SNTG1: variants seen among roughly 807,000 people sequenced by gnomAD.
SNTG1 encodes the protein syntrophin gamma 1.
SNTG1 carries 39 observed loss-of-function variants against 74.7 expected under a neutral mutation model. That is an observed-to-expected ratio of 0.52 (90% CI 0.40 to 0.68). The LOEUF (loss-of-function observed/expected upper bound fraction) is 0.68. Ranked by LOEUF, SNTG1 falls within the 30% of genes least tolerant of loss-of-function variation. The pLI, the probability that SNTG1 is intolerant of heterozygous loss-of-function variation, is 0.00. For missense variants in SNTG1, 685 were observed against 609.5 expected, an observed-to-expected ratio of 1.12 and a Z score of -1.30; for synonymous variants, 254 against 217.1, an observed-to-expected ratio of 1.17 and a Z score of -1.49.
intron 2 of SNTG1, among the ~76,000 whole-genome samples, chr8:50,291,835 T>C (rs1438492313): frequency 2.0e-5 from 3 of 152,132 alleles, no homozygotes; most frequent in Admixed American, 6.6e-5. Context: ...TAGGATACAA[T>C]TTTAAGACAG....
At chr8:50,079,999 T>C (rs1442818465) in intron 1 of SNTG1, among the ~76,000 whole-genome samples, 1 of 152,232 alleles carries the variant, frequency 6.6e-6, no homozygotes, top group Non-Finnish European at 1.5e-5. Context: ...CCAACTTTGT[T>C]CTTTTTGCTT....
chr8:50,270,136 C>A (rs2087702943), intron 2 of SNTG1, among the ~76,000 whole-genome samples: 1 of 151,984 alleles, frequency 6.6e-6, no homozygotes, highest in Non-Finnish European at 1.5e-5. Context: ...ATACAATCAG[C>A]CTATTTCTTC....
chr8:50,295,868 G>A (rs2089341127), intron 2 of SNTG1, among the ~76,000 whole-genome samples: 1 of 152,098 alleles, frequency 6.6e-6, no homozygotes, highest in Admixed American at 6.6e-5. Flanking sequence ...CCTCATTTGA[G>A]CCTAATTTCA....
In SNTG1 at chr8:50,379,600, A is replaced by C. The variant is rs1249321121; in HGVS notation, c.-27-14612A>C. 2.6e-5 allele frequency among the ~76,000 whole-genome samples: 4 copies of C among 152,150 alleles called. No individual in the cohort carries two copies. The South Asian group carries it at 6.2e-4, about 24-fold the overall frequency. On this transcript the variant is annotated intron_variant, in intron 2 of 18. Transcript: ENST00000642720. Reference sequence around the variant, plus strand: ...CCATGGAGCATGCAGCCATGGCTGCACCTCTCTTCTGCAGCTGACCTGATG... The same window carrying C: ...CCATGGAGCATGCAGCCATGGCTGCCCCTCTCTTCTGCAGCTGACCTGATG...
chr8:50,733,494 G>T (rs1477207891), intron 17 of SNTG1, among the ~76,000 whole-genome samples: 3 of 151,996 alleles, frequency 2.0e-5, no homozygotes, highest in Non-Finnish European at 4.4e-5. Context: ...TAACTTCTTT[G>T]ATTAATCATG....
intron 1 of SNTG1, among the ~76,000 whole-genome samples, chr8:49,979,712 T>C (rs1812507119): frequency 1.3e-5 from 2 of 152,316 alleles, no homozygotes; most frequent in South Asian, 2.1e-4. Flanking sequence ...CCAGGCCAGT[T>C]TGGCTTCTCC....
At chr8:50,427,674 A>G (rs2093180738) in intron 4 of SNTG1, among the ~76,000 whole-genome samples, 1 of 151,852 alleles carries the variant, frequency 6.6e-6, no homozygotes, top group African/African-American at 2.4e-5. Flanking sequence ...CAACCCTCCC[A>G]CTCTGGCCTC....
At chr8:50,565,899 C>T (rs556715830) in intron 12 of SNTG1, among the ~76,000 whole-genome samples, 12 of 151,548 alleles carry the variant, frequency 7.9e-5, no homozygotes, top group South Asian at 2.1e-4. Flanking sequence ...ATATATTTTA[C>T]GCAGAGGTAA....
intron 6 of SNTG1, 89 bp downstream of exon 6, chr8:50,449,814 A>G (rs995890695): frequency 1.2e-5 from 14 of 1,149,484 alleles, no homozygotes; most frequent in Middle Eastern, 2.1e-4. Context: ...CTAAATTACA[A>G]TGTGATTGAC....
intron 4 of SNTG1, among the ~76,000 whole-genome samples, chr8:50,419,425 T>C (rs1310253595): frequency 2.0e-5 from 3 of 152,168 alleles, no homozygotes; most frequent in South Asian, 2.1e-4. Context: ...AGGACTTTCA[T>C]CTTTATGGAG....
intron 13 of SNTG1, among the ~76,000 whole-genome samples, chr8:50,641,191 C>T (rs2095070436): frequency 6.6e-6 from 1 of 152,166 alleles, no homozygotes; most frequent in Non-Finnish European, 1.5e-5. Flanking sequence ...CCTAAAGCAA[C>T]CTGCAATTAT....
intron 1 of SNTG1, among the ~76,000 whole-genome samples, chr8:50,080,700 G>C (rs1049516451): frequency 5.3e-5 from 8 of 152,080 alleles, no homozygotes; most frequent in Non-Finnish European, 1.2e-4. Flanking sequence ...TGGGTTACAT[G>C]ATCTTTGCTG....
intron 2 of SNTG1, among the ~76,000 whole-genome samples, chr8:50,389,949 A>G (rs1364765234): frequency 1.3e-5 from 2 of 152,060 alleles, no homozygotes; most frequent in Non-Finnish European, 2.9e-5. Context: ...TTTCTTGTAA[A>G]TTTGTTTGAG....
intron 2 of SNTG1, among the ~76,000 whole-genome samples, chr8:50,236,271 A>G (rs2085889217): frequency 1.3e-5 from 2 of 152,164 alleles, no homozygotes; most frequent in Non-Finnish European, 2.9e-5. Flanking sequence ...TGAATAGAAA[A>G]TAGACTATAA....
intron 13 of SNTG1, among the ~76,000 whole-genome samples, chr8:50,645,479 CCT>C (rs1280187340): frequency 4.0e-5 from 6 of 151,780 alleles, no homozygotes; most frequent in Admixed American, 1.3e-4. Flanking sequence ...TCCATTTTAT[CCT>C]CTGTTTTTTT....
At chr8:50,663,835 C>T (rs1284070047) in intron 15 of SNTG1, among the ~76,000 whole-genome samples, 7 of 152,146 alleles carry the variant, frequency 4.6e-5, no homozygotes, top group Non-Finnish European at 8.8e-5. Context: ...CATGCAAACT[C>T]TCTCAGCATT....
chr8:50,489,697 G>C (rs1450346094), intron 8 of SNTG1, among the ~76,000 whole-genome samples: 2 of 151,060 alleles, frequency 1.3e-5, no homozygotes, highest in African/African-American at 4.9e-5. Context: ...TGGATAGATT[G>C]CAAAAATTTT....
chr8:50,698,639 C>T lies in SNTG1; in HGVS notation c.1039-5961C>T, dbSNP rs559952637. ...AGAGCCTCTTTAATGACAAAGGCTG[C>T]CACTGCTGCTAGTTTTCAGGACTGT... On this transcript the variant is annotated intron_variant, in intron 15 of 18. Transcript: ENST00000642720. 2.0e-5 allele frequency among the ~76,000 whole-genome samples: 3 copies of T among 152,078 alleles called. No individual in the cohort carries two copies. The South Asian group carries it at 6.2e-4, about 32-fold the overall frequency.
chr8:50,278,961 AT>A (rs2088277847), intron 2 of SNTG1, among the ~76,000 whole-genome samples: 1 of 152,144 alleles, frequency 6.6e-6, no homozygotes, highest in Non-Finnish European at 1.5e-5. Flanking sequence ...TGATATTGTC[AT>A]TGTTACAAAG....
Sources: gnomAD v4.1 joint callset for allele counts (sites outside exome capture counted in the v4.1 genomes callset) on GRCh38, gnomAD v4.1.1 for gene constraint, MANE v1.5 for transcripts, NCBI Gene and HGNC (gene_info 2026-07-23, HGNC 2026-07-21) for gene names.